The following MSRA variants were observed in gnomAD, a reference collection of about 807,000 sequenced individuals.
MSRA encodes methionine sulfoxide reductase A, also known as mitochondrial peptide methionine sulfoxide reductase.
MSRA carries 54 observed loss-of-function variants against 31.3 expected under a neutral mutation model. That is an observed-to-expected ratio of 1.73 (90% CI 1.39 to 2.17). The LOEUF (loss-of-function observed/expected upper bound fraction) is 2.17, where lower values mean the gene tolerates loss of function less well. MSRA is among the 30% of genes most tolerant of loss of function. MSRA has a pLI of 0.00. For missense variants in MSRA, 507 were observed against 300.9 expected, an observed-to-expected ratio of 1.69 and a Z score of -5.07; for synonymous variants, 169 against 116.5, an observed-to-expected ratio of 1.45 and a Z score of -2.90.
intron 1 of MSRA, among the ~76,000 whole-genome samples, chr8:10,172,523 G>T (rs1805679289): frequency 6.6e-6 from 1 of 152,148 alleles, no homozygotes; most frequent in Non-Finnish European, 1.5e-5. Flanking sequence ...TTAGCGTAGG[G>T]GCGGAGGTTA....
At chr8:10,372,185 C>G (rs1805516942) in intron 5 of MSRA, among the ~76,000 whole-genome samples, 1 of 152,194 alleles carries the variant, frequency 6.6e-6, no homozygotes, top group South Asian at 2.1e-4. Flanking sequence ...TGCCTCTACA[C>G]TACTCGGGGC....
Position 10,081,861 on chromosome 8 carries a change from G to A in MSRA, c.142+27203G>A, listed in dbSNP as rs1585107830. ...GGGACCTCTTGATCTGCAGTCAAAT[G>A]TTCTACCCCGAATTCTACCCCCTCT... On this transcript the variant is annotated intron_variant, in intron 1 of 5. Coordinates refer to ENST00000317173, the MANE Select transcript of MSRA (RefSeq NM_012331.5). Among the ~76,000 whole-genome samples the A allele has an allele frequency of 2.0e-5, 3 of 152,090 alleles. No individual in the cohort carries two copies. In the East Asian group the frequency reaches 5.8e-4, roughly 29 times the overall value.
At position 10,133,489 on chromosome 8, in the gene MSRA, G is replaced by C. The variant is rs147124250; in HGVS notation, c.143-74344G>C. 1.5e-3 allele frequency among the ~76,000 whole-genome samples: 226 copies of C among 152,268 alleles called. 1 individual carries two copies. The highest frequency in any genetic ancestry group is 5.1e-3 in the African/African-American group (211 of 41,556). ...TAGGTCTCTCCTCTGTGCACATCCA[G>C]GAGAGAGATTTTAGGGATAGTTCCT... On this transcript the variant is annotated intron_variant, in intron 1 of 5. Transcript: ENST00000317173.
chr8:10,255,713 A>G (rs1034915037), intron 3 of MSRA, among the ~76,000 whole-genome samples: 1 of 151,240 alleles, frequency 6.6e-6, no homozygotes, highest in African/African-American at 2.4e-5. Flanking sequence ...TCTGGTTTTG[A>G]GAGTCAGGTC....
intron 2 of MSRA, among the ~76,000 whole-genome samples, chr8:10,234,823 G>C (rs1424908064): frequency 1.3e-5 from 2 of 152,018 alleles, no homozygotes; most frequent in African/African-American, 4.8e-5. Flanking sequence ...AAGAACAAAA[G>C]ACTTTAATAG....
intron 1 of MSRA, among the ~76,000 whole-genome samples, chr8:10,081,781 G>C (rs116691648): frequency 0.011 from 1,732 of 152,254 alleles, 33 homozygotes; most frequent in African/African-American, 0.037. Context: ...ACAGGTGTGA[G>C]CCACTACGCC....
At chr8:10,197,065 C>T (rs957711904) in intron 1 of MSRA, among the ~76,000 whole-genome samples, 2 of 152,148 alleles carry the variant, frequency 1.3e-5, no homozygotes, top group African/African-American at 4.8e-5. Flanking sequence ...TTGTTATTCA[C>T]AAGGGTGTCA....
chr8:10,242,320 A>G (rs914774425), intron 2 of MSRA, among the ~76,000 whole-genome samples: 1 of 152,134 alleles, frequency 6.6e-6, no homozygotes, highest in African/African-American at 2.4e-5. Flanking sequence ...AAAATGAGCA[A>G]GACTATAATG....
chr8:10,341,382 A>G (rs1421285845), intron 5 of MSRA, among the ~76,000 whole-genome samples: 1 of 152,068 alleles, frequency 6.6e-6, no homozygotes, highest in East Asian at 1.9e-4. Context: ...GTTTTGAAAG[A>G]CCAGATCTCC....
At chr8:10,090,945 G>T (rs1798821392) in intron 1 of MSRA, among the ~76,000 whole-genome samples, 1 of 152,168 alleles carries the variant, frequency 6.6e-6, no homozygotes, top group Non-Finnish European at 1.5e-5. Context: ...GCTGAACATG[G>T]GGATTGTTTG....
At chr8:10,423,887 C>T (rs1238399486) in intron 5 of MSRA, among the ~76,000 whole-genome samples, 1 of 152,100 alleles carries the variant, frequency 6.6e-6, no homozygotes, top group South Asian at 2.1e-4. Flanking sequence ...CAGGAGATCC[C>T]AAGAATCCAT....
intron 5 of MSRA, among the ~76,000 whole-genome samples, chr8:10,390,853 G>A (rs954864267): frequency 1.3e-5 from 2 of 152,098 alleles, no homozygotes; most frequent in Non-Finnish European, 2.9e-5. Flanking sequence ...GCAGGCGCCT[G>A]TAGTCCCACC....
intron 3 of MSRA, among the ~76,000 whole-genome samples, chr8:10,281,123 G>C (rs1204019064): frequency 6.6e-6 from 1 of 152,146 alleles, no homozygotes; most frequent in Admixed American, 6.5e-5. Context: ...AAACCACTGA[G>C]TTATATTTAA....
intron 1 of MSRA, among the ~76,000 whole-genome samples, chr8:10,137,165 C>T (rs1802344994): frequency 6.6e-6 from 1 of 152,160 alleles, no homozygotes; most frequent in African/African-American, 2.4e-5. Flanking sequence ...GTGGCTCGCC[C>T]AGCAAATCAT....
intron 5 of MSRA, among the ~76,000 whole-genome samples, chr8:10,395,330 C>T (rs1807029178): frequency 6.6e-6 from 1 of 152,074 alleles, no homozygotes; most frequent in African/African-American, 2.4e-5. Flanking sequence ...AAGGGATGAC[C>T]TAAATACGTA....
intron 5 of MSRA, among the ~76,000 whole-genome samples, chr8:10,383,536 C>T (rs1806203655): frequency 1.3e-5 from 2 of 152,038 alleles, no homozygotes; most frequent in Non-Finnish European, 2.9e-5. Context: ...ATTTAGCTGC[C>T]TGTCAGTTAT....
intron 3 of MSRA, among the ~76,000 whole-genome samples, chr8:10,268,688 G>A (rs190417824): frequency 7.9e-5 from 12 of 152,340 alleles, no homozygotes; most frequent in Admixed American, 1.3e-4. Flanking sequence ...AGAGGGGAAC[G>A]AGTTCTTTCC....
At position 10,245,365 on chromosome 8, in the gene MSRA, G is replaced by T; in HGVS notation, c.331+142G>T. Reference sequence around the variant, plus strand: ...CTTTATTATTTGTATATATATACTTGTGAGCTTCTCACTTTATATGTTTAG... The same window carrying T: ...CTTTATTATTTGTATATATATACTTTTGAGCTTCTCACTTTATATGTTTAG... On this transcript the variant is annotated intron_variant, in intron 3 of 5. Transcript: ENST00000317173. 5.3e-6 allele frequency: 4 copies of T among 756,510 alleles called. No homozygotes were observed. In the South Asian group the frequency reaches 9.2e-5, roughly 17 times the overall value. 46.9% of individuals were successfully genotyped at this position (756,510 alleles called of 1,614,324 possible). A position where few individuals can be genotyped will look rare whatever the true frequency, so the allele number is the denominator to read the frequency against.
chr8:10,118,949 C>G (rs758469553), intron 1 of MSRA, among the ~76,000 whole-genome samples: 110 of 152,236 alleles, frequency 7.2e-4, no homozygotes, highest in East Asian at 3.1e-3. Flanking sequence ...CTGGTCCAGC[C>G]CGGGCTGGTC....
Sources: gnomAD v4.1 joint callset for allele counts (sites outside exome capture counted in the v4.1 genomes callset) on GRCh38, gnomAD v4.1.1 for gene constraint, MANE v1.5 for transcripts, NCBI Gene and HGNC (gene_info 2026-07-23, HGNC 2026-07-21) for gene names.